RNF10: variants seen among roughly 807,000 people sequenced by gnomAD.
RNF10 encodes the protein E3 ubiquitin-protein ligase RNF10.
RNF10 carries 38 observed loss-of-function variants against 91.4 expected under a neutral mutation model. That is an observed-to-expected ratio of 0.42 (90% CI 0.32 to 0.54). RNF10 has a LOEUF of 0.54. RNF10 is among the 20% of genes least tolerant of loss of function. The pLI is 0.16. For synonymous variants in RNF10, 364 were observed against 366.3 expected, an observed-to-expected ratio of 0.99 and a Z score of 0.07; for missense variants, 945 against 1,012.0, an observed-to-expected ratio of 0.93 and a Z score of 0.90.
intron 1 of RNF10, among the ~76,000 whole-genome samples, chr12:120,537,630 G>C (rs1871020394): frequency 6.6e-6 from 1 of 152,134 alleles, no homozygotes; most frequent in Non-Finnish European, 1.5e-5. Flanking sequence ...CTCATGTAAA[G>C]GCCCTTTGTT....
chr12:120,566,159 G>A (rs1025276594), intron 12 of RNF10, among the ~76,000 whole-genome samples: 1 of 152,192 alleles, frequency 6.6e-6, no homozygotes, highest in African/African-American at 2.4e-5. Flanking sequence ...AGTGGGACAA[G>A]TGTATACTTG....
In RNF10 at chr12:120,571,279, T is replaced by C; in HGVS notation, c.2130T>C (p.Pro710=). 6.2e-7 allele frequency: 1 copy of C among 1,612,802 alleles called. No homozygotes were observed. Among genetic ancestry groups the C allele is most frequent in the Non-Finnish European group, 8.5e-7 (1 of 1,178,790 alleles). Residue 710 remains proline (P), a synonymous_variant, in exon 14 of 17, where the codon CCT becomes CCC. Transcript: ENST00000325954. ...VGSLEEDSPF[P]SFAQMLRVGK... ...GTCTGGAAGAAGACTCTCCCTTCCC[T>C]TCCTTTGCCCAGGTAAATCCTTTGC...
intron 1 of RNF10, among the ~76,000 whole-genome samples, chr12:120,537,733 G>A (rs183978494): frequency 3.3e-5 from 5 of 152,082 alleles, no homozygotes; most frequent in African/African-American, 1.2e-4. Context: ...GTTTGCCACC[G>A]CCAGTGTCTG....
chr12:120,535,659 C>T (rs1359392775), intron 1 of RNF10: 1 of 152,154 alleles, frequency 6.6e-6, no homozygotes. Flanking sequence ...TATCTGGCGT[C>T]TATTTTGCGC....
intron 6 of RNF10, among the ~76,000 whole-genome samples, chr12:120,559,132 A>G (rs1429759780): frequency 6.7e-6 from 1 of 150,014 alleles, no homozygotes; most frequent in African/African-American, 2.5e-5. Flanking sequence ...TATTTTTAGC[A>G]GAGATGAGGT....
rs777484709 is a variant in RNF10 at position 120,560,707 on chromosome 12, C to T, written c.968-19C>T. On this transcript the variant is annotated intron_variant, in intron 6 of 16. Coordinates refer to ENST00000325954, the MANE Select transcript of RNF10 (RefSeq NM_014868.5). ...GCTTTGAATGTTGCATTTCTTTGAT[C>T]TTGCTGGCATTCTTATAGATGAACA... is the stretch of plus-strand genomic sequence containing the variant. 8.7e-6 allele frequency: 14 copies of T among 1,603,076 alleles called. No individual in the cohort carries two copies. In the Admixed American group the frequency reaches 2.4e-4, roughly 27 times the overall value.
Position 120,534,953 on chromosome 12 carries a change from T to C in RNF10, c.142T>C (p.Ser48Pro), listed in dbSNP as rs377054423. 3.7e-5 allele frequency: 59 copies of C among 1,599,490 alleles called. No homozygotes were observed. Among genetic ancestry groups the C allele is most frequent in the Non-Finnish European group, 4.8e-5 (57 of 1,178,690 alleles). The change falls in exon 1 of 17, where the codon TCT (serine) becomes CCT (proline). Residue 48 changes from serine to proline, a missense_variant. Ser to Pro is a moderately conservative substitution (Grantham distance 74, BLOSUM62 -1). Coordinates refer to ENST00000325954, the MANE Select transcript of RNF10 (RefSeq NM_014868.5). Reference sequence around the variant, plus strand: ...CGCCTCGGCGGGGCCAGCCGGCGAGTCTAAACCCAAGAGCGGTAAGGACGG... The same window carrying C: ...CGCCTCGGCGGGGCCAGCCGGCGAGCCTAAACCCAAGAGCGGTAAGGACGG... ...RSASAGPAGE[S>P]KPKSDGKNSS... is the part of the protein sequence containing the mutation.
In RNF10 at chr12:120,566,955, C is replaced by T; in HGVS notation, c.2016C>T (p.Leu672=). ...EGHGALSISP[L]SRSPGSHADF... ...ATGGGGCCCTCTCCATTTCTCCTCT[C>T]AGCAGAAGTCCAGGTTCCCATGCAG... The change falls in exon 13 of 17, where the codon CTC becomes CTT. Residue 672 remains leucine, a synonymous_variant. Transcript: ENST00000325954. The T allele has an allele frequency of 3.1e-6, 5 of 1,606,308 alleles. No homozygotes were observed. The highest frequency in any genetic ancestry group is 1.8e-5 in the Admixed American group (1 of 57,048).
chr12:120,555,326 C>T (rs1329921847), intron 4 of RNF10, among the ~76,000 whole-genome samples: 2 of 151,382 alleles, frequency 1.3e-5, no homozygotes, highest in African/African-American at 4.9e-5. Context: ...GGATTACAGG[C>T]ACCCGCCACC....
intron 2 of RNF10, among the ~76,000 whole-genome samples, chr12:120,550,101 C>A (rs1417266370): frequency 1.3e-5 from 2 of 152,138 alleles, no homozygotes; most frequent in Non-Finnish European, 2.9e-5. Context: ...GTAAAAAGTC[C>A]ATTTTAATAT....
chr12:120,538,947 G>A (rs1335180425), intron 1 of RNF10, among the ~76,000 whole-genome samples: 1 of 152,158 alleles, frequency 6.6e-6, no homozygotes, highest in Non-Finnish European at 1.5e-5. Flanking sequence ...GTGATTTGAA[G>A]CCTTCAGTAA....
chr12:120,576,721 C>T lies in RNF10; in HGVS notation c.*55C>T, dbSNP rs958337008. The T allele has an allele frequency of 5.2e-5, 83 of 1,589,642 alleles. No individual in the cohort carries two copies. In the Admixed American group the frequency reaches 1.4e-3, roughly 26 times the overall value. On this transcript the variant is annotated 3_prime_UTR_variant, in exon 17 of 17. Coordinates refer to ENST00000325954, the MANE Select transcript of RNF10 (RefSeq NM_014868.5). Reference sequence around the variant, plus strand: ...TGGTTTTTGTTTTTGTTTTTTTTTCCCCCATGCTTTTGTTTGGCTGCTGTA... The same window carrying T: ...TGGTTTTTGTTTTTGTTTTTTTTTCTCCCATGCTTTTGTTTGGCTGCTGTA...
At chr12:120,540,695 A>T (rs1415425736) in intron 1 of RNF10, among the ~76,000 whole-genome samples, 1 of 152,200 alleles carries the variant, frequency 6.6e-6, no homozygotes, top group Non-Finnish European at 1.5e-5. Flanking sequence ...AACTAAAATC[A>T]CTAATCATGA....
At chr12:120,561,260 T>C (rs1472569951) in intron 7 of RNF10, among the ~76,000 whole-genome samples, 1 of 152,176 alleles carries the variant, frequency 6.6e-6, no homozygotes, top group Admixed American at 6.5e-5. Context: ...TCTAGAGGTG[T>C]TTTGAAAGAC....
chr12:120,560,161 T>G (rs1270431546), intron 6 of RNF10, among the ~76,000 whole-genome samples: 2 of 151,092 alleles, frequency 1.3e-5, no homozygotes, highest in African/African-American at 4.9e-5. Flanking sequence ...TTTGTTTTTT[T>G]TTTTTTTGAG....
At chr12:120,565,667 A>C in intron 12 of RNF10, 138 bp downstream of exon 12, 1 of 679,174 alleles carries the variant, frequency 1.5e-6, no homozygotes, top group South Asian at 1.8e-5. Context: ...GCACCTCCTT[A>C]ATAGGCTTGC....
At position 120,565,066 on chromosome 12, in the gene RNF10, A is replaced by G; in HGVS notation, c.1666-6A>G. 1 of 1,603,608 alleles carries G rather than the reference A, an allele frequency of 6.2e-7. No individual in the cohort carries two copies. The highest frequency in any genetic ancestry group is 8.5e-7 in the Non-Finnish European group (1 of 1,170,634). On this transcript the variant is annotated splice_region_variant and splice_polypyrimidine_tract_variant and intron_variant, in intron 10 of 16. Coordinates refer to ENST00000325954, the MANE Select transcript of RNF10 (RefSeq NM_014868.5). ...TTGTTGAGTATTGGTCCTTTTTCCA[A>G]TGTAGGATGTTCGACAGCGTCACAG...
intron 3 of RNF10, chr12:120,553,980 C>T (rs1873585029): frequency 6.6e-6 from 1 of 151,206 alleles, no homozygotes; most frequent in African/African-American, 2.4e-5. Context: ...TCTCGGCTCC[C>T]TGCAGCTTCT....
chr12:120,540,391 C>T (rs762733330), intron 1 of RNF10, among the ~76,000 whole-genome samples: 3 of 152,090 alleles, frequency 2.0e-5, no homozygotes, highest in Admixed American at 2.0e-4. Flanking sequence ...AAAACTTCAC[C>T]CATAGTTCCT....
Sources: allele counts gnomAD v4.1 joint callset (sites outside exome capture counted in the v4.1 genomes callset), GRCh38; gene constraint gnomAD v4.1.1; transcripts MANE v1.5; gene names NCBI Gene and HGNC (gene_info 2026-07-23, HGNC 2026-07-21).